CREBBP: variants seen among roughly 807,000 people sequenced by gnomAD.
CREBBP encodes the protein CREB binding lysine acetyltransferase.
Under a neutral mutation model 265.0 loss-of-function variants are expected in CREBBP, and 19 were observed. That is an observed-to-expected ratio of 0.07 (90% confidence interval 0.05 to 0.11). The LOEUF (loss-of-function observed/expected upper bound fraction) is 0.11, where lower values mean the gene tolerates loss of function less well. Among genes scored for constraint, CREBBP ranks in the 10% least tolerant of loss-of-function variants. CREBBP has a pLI of 1.00. For synonymous variants in CREBBP, 1,457 were observed against 1,223.7 expected (o/e 1.19, Z -3.98); for missense variants, 2,525 against 3,219.0 (o/e 0.78, Z 5.22).
intron 3 of CREBBP, 87 bp from the exon 4 acceptor site, chr16:3,793,713 G>C: frequency 1.4e-6 from 2 of 1,475,132 alleles, no homozygotes; most frequent in Non-Finnish European, 1.8e-6. Flanking sequence ...AAAAGCAAAA[G>C]CTGATGGATA....
chr16:3,777,948 C>T, intron 10 of CREBBP, 63 bp downstream of exon 10: 3 of 1,565,108 alleles, frequency 1.9e-6, no homozygotes, highest in Non-Finnish European at 2.6e-6. Flanking sequence ...GAAATACACC[C>T]CAAACACGAA....
intron 8 of CREBBP, 73 bp downstream of exon 8, chr16:3,780,659 C>T (rs967648218): frequency 1.3e-6 from 2 of 1,522,894 alleles, no homozygotes; most frequent in Non-Finnish European, 1.8e-6. Flanking sequence ...TCCTAGGGTA[C>T]TGTCATCTGG....
chr16:3,751,967 C>A, intron 19 of CREBBP, 161 bp from the exon 20 acceptor site: 2 of 708,108 alleles, frequency 2.8e-6, no homozygotes, highest in South Asian at 3.0e-5. Flanking sequence ...GAACAGGGGG[C>A]AGGTGGGGAA....
intron 1 of CREBBP, among the ~76,000 whole-genome samples, chr16:3,851,860 C>CAAAAAAAAA (rs1159688899): frequency 5.2e-4 from 15 of 28,964 alleles, no homozygotes; most frequent in Admixed American, 8.2e-4. Flanking sequence ...GACTCCGTCT[C>CAAAAAAAAA]AAAAAAAAAA....
chr16:3,797,355 T>G (rs1315032292), intron 3 of CREBBP, among the ~76,000 whole-genome samples: 1 of 152,182 alleles, frequency 6.6e-6, no homozygotes, highest in Non-Finnish European at 1.5e-5. Context: ...GAAACAGACA[T>G]AGGTGTATAT....
chr16:3,791,443 A>G (rs1288559907), intron 5 of CREBBP, among the ~76,000 whole-genome samples: 1 of 152,132 alleles, frequency 6.6e-6, no homozygotes, highest in Non-Finnish European at 1.5e-5. Context: ...TAGTTATACA[A>G]AGAGTTCTGG....
At chr16:3,756,141 C>T (rs2052580843) in intron 19 of CREBBP, among the ~76,000 whole-genome samples, 1 of 152,192 alleles carries the variant, frequency 6.6e-6, no homozygotes, top group South Asian at 2.1e-4. Context: ...GACATAATTA[C>T]TCTGACCAAA....
intron 3 of CREBBP, among the ~76,000 whole-genome samples, chr16:3,794,331 CAAAAAAAAAAAAAAAA>C (rs746656673): frequency 2.5e-4 from 10 of 39,610 alleles, no homozygotes; most frequent in South Asian, 2.1e-3. Flanking sequence ...GACTCCGTCT[CAAAAAAAAAAAAAAAA>C]AAAAAAAAAA....
chr16:3,814,853 G>C (rs769465040), intron 2 of CREBBP, among the ~76,000 whole-genome samples: 1 of 152,184 alleles, frequency 6.6e-6, no homozygotes, highest in Non-Finnish European at 1.5e-5. Flanking sequence ...AGGAGGTTAG[G>C]GTTCAAATCT....
At chr16:3,803,474 T>C (rs978581032) in intron 3 of CREBBP, among the ~76,000 whole-genome samples, 62 of 151,932 alleles carry the variant, frequency 4.1e-4, no homozygotes, top group African/African-American at 1.4e-3. Context: ...CACTGCACTC[T>C]AGCCTGGGCG....
At chr16:3,794,041 G>A (rs1177031603) in intron 3 of CREBBP, among the ~76,000 whole-genome samples, 1 of 152,136 alleles carries the variant, frequency 6.6e-6, no homozygotes, top group Non-Finnish European at 1.5e-5. Context: ...AGATTGCCAA[G>A]GCCTGGCCGA....
chr16:3,779,341 AT>A (rs1567306727), intron 8 of CREBBP, among the ~76,000 whole-genome samples: 1 of 152,094 alleles, frequency 6.6e-6, no homozygotes, highest in African/African-American at 2.4e-5. Context: ...TGCCTGGCTA[AT>A]TTTTAAATTT....
chr16:3,879,542 C>G (rs1248201778), intron 1 of CREBBP, among the ~76,000 whole-genome samples: 33 of 152,232 alleles, frequency 2.2e-4, no homozygotes, highest in Admixed American at 2.2e-3. Flanking sequence ...AACAAACCCA[C>G]ACGCTGCACT....
chr16:3,767,392 T>G, intron 16 of CREBBP: 1 of 397,384 alleles, frequency 2.5e-6, no homozygotes, highest in East Asian at 4.8e-5. Flanking sequence ...TATACTTTTA[T>G]GAGTAAAGCC....
At chr16:3,869,930 G>GT (rs1471810700) in intron 1 of CREBBP, among the ~76,000 whole-genome samples, 16 of 152,166 alleles carry the variant, frequency 1.1e-4, no homozygotes, top group African/African-American at 3.9e-4. Context: ...CTTCTCAACA[G>GT]AAGTTCAACT....
chr16:3,849,777 TCCAGGGGACC>T (rs1261510510), intron 2 of CREBBP, among the ~76,000 whole-genome samples: 1 of 152,018 alleles, frequency 6.6e-6, no homozygotes, highest in Non-Finnish European at 1.5e-5. Context: ...CTGCTGCTGG[TCCAGGGGACC>T]CCACTTGAAG....
At chr16:3,744,804 G>C in intron 23 of CREBBP, 90 bp downstream of exon 23, 1 of 970,622 alleles carries the variant, frequency 1.0e-6, no homozygotes, top group South Asian at 1.3e-5. Context: ...TCAGAACCAT[G>C]TGTTGAGAGG....
At chr16:3,745,946 A>G (rs2052332033) in intron 21 of CREBBP, among the ~76,000 whole-genome samples, 1 of 152,238 alleles carries the variant, frequency 6.6e-6, no homozygotes, top group Non-Finnish European at 1.5e-5. Context: ...TGGTGAAGCG[A>G]GAGAATGGAC....
rs369136324 is a variant in CREBBP, at chr16:3,726,245, G to C, written c.*1473C>G. On this transcript the variant is annotated 3_prime_UTR_variant, in exon 31 of 31. Transcript: ENST00000262367. ...AGATTCTGGGAGTCGTGTACGGGGG[G>C]GGGGAGCCGCCTGAACACGGGAAGA... 357 of 232,258 alleles carry C rather than the reference G, an allele frequency of 1.5e-3. 2 individuals carry two copies. Among genetic ancestry groups the C allele is most frequent in the Middle Eastern group, 0.01 (8 of 784 alleles). The allele number at this position is 232,258 out of a possible 1,614,324, so 14.4% of individuals were successfully genotyped here.
Sources: gnomAD v4.1 joint callset for allele counts (sites outside exome capture counted in the v4.1 genomes callset) on GRCh38, gnomAD v4.1.1 for gene constraint, MANE v1.5 for transcripts, NCBI Gene and HGNC (gene_info 2026-07-23, HGNC 2026-07-21) for gene names.